Variants in OXR1 observed in about 807,000 individuals in gnomAD.
OXR1 encodes oxidation resistance 1.
Under a neutral mutation model 104.6 loss-of-function variants are expected in OXR1, and 41 were observed. The observed-to-expected ratio is 0.39, with a 90% CI of 0.31 to 0.51. The LOEUF is 0.51. Among genes scored for constraint, OXR1 ranks in the 20% least tolerant of loss-of-function variants. The pLI, the probability that OXR1 is intolerant of heterozygous loss-of-function variation, is 0.77. For missense variants in OXR1, 955 were observed against 1,031.9 expected (o/e 0.93, Z 1.02); for synonymous variants, 348 against 348.4 (o/e 1.00, Z 0.01).
At chr8:106,373,922 T>C (rs1231270765) in intron 2 of OXR1, among the ~76,000 whole-genome samples, 3 of 152,128 alleles carry the variant, frequency 2.0e-5, no homozygotes, top group Admixed American at 6.5e-5. Context: ...GAATGTAAAA[T>C]CAAAAAGTTT....
chr8:106,384,026 G>C (rs1428989267), intron 2 of OXR1, among the ~76,000 whole-genome samples: 2 of 152,140 alleles, frequency 1.3e-5, no homozygotes, highest in Non-Finnish European at 2.9e-5. Flanking sequence ...GGGCAAGGGG[G>C]AAGACTTCAT....
intron 3 of OXR1, among the ~76,000 whole-genome samples, chr8:106,562,544 A>G (rs912459710): frequency 6.6e-6 from 1 of 152,178 alleles, no homozygotes; most frequent in Non-Finnish European, 1.5e-5. Flanking sequence ...TGGAAAACAG[A>G]CTTCAGGATA....
chr8:106,582,023 C>CAAAAAAAA, intron 3 of OXR1, among the ~76,000 whole-genome samples: 1 of 69,566 alleles, frequency 1.4e-5, no homozygotes, highest in Admixed American at 2.0e-4. Context: ...GACTCTGTCT[C>CAAAAAAAA]AAAAAAAAAA....
chr8:106,658,458 A>G (rs1825398596), intron 3 of OXR1, among the ~76,000 whole-genome samples: 1 of 152,192 alleles, frequency 6.6e-6, no homozygotes. Context: ...TTCCCCGCCA[A>G]GTATTTCAAG....
chr8:106,343,595 T>C (rs1057283171), intron 1 of OXR1, among the ~76,000 whole-genome samples: 1 of 152,218 alleles, frequency 6.6e-6, no homozygotes, highest in Non-Finnish European at 1.5e-5. Context: ...AATTATCTCA[T>C]TGCAACTGGG....
intron 3 of OXR1, among the ~76,000 whole-genome samples, chr8:106,678,673 T>G (rs527984938): frequency 4.5e-4 from 69 of 152,152 alleles, no homozygotes; most frequent in African/African-American, 1.6e-3. Flanking sequence ...AAGTAAATGT[T>G]CAAATGTATG....
At chr8:106,697,718 C>T (rs1830191382) in intron 7 of OXR1, 10 of 1,613,946 alleles carry the variant, frequency 6.2e-6, no homozygotes, top group Non-Finnish European at 8.5e-6. Context: ...CGCTCAGCTG[C>T]TTGCAGGAAC....
intron 1 of OXR1, among the ~76,000 whole-genome samples, chr8:106,347,092 A>C (rs1815521209): frequency 6.6e-6 from 1 of 152,234 alleles, no homozygotes. Context: ...GATTTTAATT[A>C]AGCATGTCCG....
At chr8:106,570,877 C>G (rs1817424362) in intron 3 of OXR1, among the ~76,000 whole-genome samples, 2 of 152,122 alleles carry the variant, frequency 1.3e-5, no homozygotes, top group South Asian at 4.1e-4. Context: ...CACTCTCAAA[C>G]AAAATTACTG....
chr8:106,739,406 GA>G (rs1387621959), intron 12 of OXR1, 51 bp from the exon 13 acceptor site: 3 of 1,518,898 alleles, frequency 2.0e-6, no homozygotes, highest in East Asian at 4.5e-5. Flanking sequence ...TGACAATTTT[GA>G]AAGCATGTCA....
At chr8:106,668,922 G>A (rs1171583226) in intron 3 of OXR1, among the ~76,000 whole-genome samples, 4 of 152,048 alleles carry the variant, frequency 2.6e-5, no homozygotes, top group African/African-American at 4.8e-5. Flanking sequence ...CTGTAGGTCC[G>A]GACTGAGCCT....
chr8:106,536,416 C>T (rs1433558282), intron 3 of OXR1, among the ~76,000 whole-genome samples: 3 of 151,902 alleles, frequency 2.0e-5, no homozygotes, highest in South Asian at 2.1e-4. Context: ...TCCCTAACAT[C>T]AGCATCACCG....
At chr8:106,697,802 G>T (rs1830203199) in intron 7 of OXR1, 1 of 1,612,260 alleles carries the variant, frequency 6.2e-7, no homozygotes, top group Non-Finnish European at 8.5e-7. Context: ...TGCCCCTTGG[G>T]GTACAGTGCA....
chr8:106,296,893 A>T (rs763531341), intron 1 of OXR1, among the ~76,000 whole-genome samples: 14 of 152,186 alleles, frequency 9.2e-5, no homozygotes, highest in South Asian at 2.1e-4. Flanking sequence ...TTTATTTTGA[A>T]CTGAATTGGT....
At chr8:106,329,627 G>A (rs563838045) in intron 1 of OXR1, among the ~76,000 whole-genome samples, 1 of 152,198 alleles carries the variant, frequency 6.6e-6, no homozygotes, top group East Asian at 1.9e-4. Context: ...GATCACAGGC[G>A]TGAGCCACCG....
At chr8:106,673,771 T>C (rs1179879351) in intron 3 of OXR1, among the ~76,000 whole-genome samples, 1 of 152,092 alleles carries the variant, frequency 6.6e-6, no homozygotes, top group Non-Finnish European at 1.5e-5. Flanking sequence ...ATCCCAGCTG[T>C]GGCTAAAAAG....
intron 1 of OXR1, among the ~76,000 whole-genome samples, chr8:106,290,698 C>T (rs1027544806): frequency 6.6e-6 from 1 of 152,134 alleles, no homozygotes. Context: ...AAAAAATACT[C>T]ATCATCACTA....
chr8:106,699,878 A>G (rs1285314945), intron 7 of OXR1, among the ~76,000 whole-genome samples: 1 of 152,218 alleles, frequency 6.6e-6, no homozygotes, highest in Non-Finnish European at 1.5e-5. Context: ...AAACTTATTA[A>G]CAATAACTAT....
intron 7 of OXR1, among the ~76,000 whole-genome samples, chr8:106,701,073 A>G (rs1157280623): frequency 6.6e-6 from 1 of 152,110 alleles, no homozygotes; most frequent in East Asian, 1.9e-4. Flanking sequence ...ACCATCTCTC[A>G]TTGACTTGAG....
Sources: allele counts gnomAD v4.1 joint callset (sites outside exome capture counted in the v4.1 genomes callset), GRCh38; gene constraint gnomAD v4.1.1; transcripts MANE v1.5; gene names NCBI Gene and HGNC (gene_info 2026-07-23, HGNC 2026-07-21).